DLC1: variants seen among roughly 807,000 people sequenced by gnomAD.
DLC1 encodes DLC1 Rho GTPase activating protein.
In DLC1, 54 loss-of-function variants were observed where a neutral mutation model predicts 140.3. That is an observed-to-expected ratio of 0.38 (90% confidence interval 0.31 to 0.48). The LOEUF is 0.48. Among genes scored for constraint, DLC1 ranks in the 20% least tolerant of loss-of-function variants. The pLI is 0.96. For synonymous variants in DLC1, 986 were observed against 728.1 expected, an observed-to-expected ratio of 1.35 and a Z score of -5.70; for missense variants, 2,536 against 1,907.0, an observed-to-expected ratio of 1.33 and a Z score of -6.14.
chr8:13,164,898 G>C (rs1173881940), intron 5 of DLC1, among the ~76,000 whole-genome samples: 1 of 152,186 alleles, frequency 6.6e-6, no homozygotes, highest in Non-Finnish European at 1.5e-5. Context: ...AATTAGCAGA[G>C]ATTGTGAATC....
chr8:13,352,018 G>C (rs1834696067), intron 4 of DLC1, among the ~76,000 whole-genome samples: 1 of 152,190 alleles, frequency 6.6e-6, no homozygotes, highest in Admixed American at 6.5e-5. Flanking sequence ...ACAGGCATGA[G>C]CCACGGTGCC....
At chr8:13,533,245 GTT>G (rs5889449) in intron 1 of DLC1, among the ~76,000 whole-genome samples, 7 of 151,512 alleles carry the variant, frequency 4.6e-5, no homozygotes, top group South Asian at 2.1e-4. Context: ...AATAATCGTT[GTT>G]TTTTTTTGTG....
chr8:13,158,315 AC>A (rs904189686), intron 5 of DLC1, among the ~76,000 whole-genome samples: 1 of 152,238 alleles, frequency 6.6e-6, no homozygotes, highest in Non-Finnish European at 1.5e-5. Context: ...AACAAAAGAA[AC>A]AGTATTTTAC....
In DLC1 at chr8:13,319,492, T is replaced by G. The variant is rs567534341; in HGVS notation, c.1315-14190A>C. Among the ~76,000 whole-genome samples the G allele has an allele frequency of 2.0e-3, 99 of 50,354 alleles. 2 individuals carry two copies. The highest frequency in any genetic ancestry group is 5.5e-3 in the African/African-American group (96 of 17,338). 33.0% of individuals were successfully genotyped at this position (50,354 alleles called of 152,430 possible). Reference sequence around the variant, plus strand: ...GGCGGGGCGGGGGGGGGGGGTGGATTTCCCCCTTGCTGTTCTCCTGATAGT... The same window carrying G: ...GGCGGGGCGGGGGGGGGGGGTGGATGTCCCCCTTGCTGTTCTCCTGATAGT... On this transcript the variant is annotated intron_variant, in intron 4 of 17. Coordinates refer to ENST00000276297, the MANE Select transcript of DLC1 (RefSeq NM_182643.3).
chr8:13,106,571 A>C (rs557694387), intron 7 of DLC1, among the ~76,000 whole-genome samples: 1 of 151,910 alleles, frequency 6.6e-6, no homozygotes, highest in Non-Finnish European at 1.5e-5. Context: ...ATGGTCTCCA[A>C]CTCCTGGAGG....
chr8:13,121,961 G>T (rs1821115544), intron 5 of DLC1, among the ~76,000 whole-genome samples: 1 of 152,086 alleles, frequency 6.6e-6, no homozygotes, highest in Non-Finnish European at 1.5e-5. Flanking sequence ...CAGTTTAAAG[G>T]CAGCCAGGAT....
chr8:13,570,743 T>C (rs1804623894), intron 1 of DLC1, among the ~76,000 whole-genome samples: 1 of 152,156 alleles, frequency 6.6e-6, no homozygotes, highest in South Asian at 2.1e-4. Flanking sequence ...TCACCTGGCA[T>C]ACTCTCCCGC....
intron 5 of DLC1, among the ~76,000 whole-genome samples, chr8:13,299,623 T>A (rs955901390): frequency 6.6e-6 from 1 of 151,856 alleles, no homozygotes; most frequent in Non-Finnish European, 1.5e-5. Context: ...GTAGTTAAAG[T>A]TTGAGCAACC....
intron 7 of DLC1, among the ~76,000 whole-genome samples, chr8:13,106,682 T>G (rs2044121): frequency 1.3e-5 from 2 of 152,072 alleles, no homozygotes; most frequent in Admixed American, 6.5e-5. Context: ...AAAGTTAAAA[T>G]CTGCTCTAAG....
At chr8:13,472,658 G>A (rs1375876557) in intron 2 of DLC1, among the ~76,000 whole-genome samples, 1 of 152,136 alleles carries the variant, frequency 6.6e-6, no homozygotes, top group African/African-American at 2.4e-5. Flanking sequence ...GGGAATGCTA[G>A]TGTCTTAAAC....
intron 1 of DLC1, among the ~76,000 whole-genome samples, chr8:13,532,159 C>A (rs1001841994): frequency 6.6e-6 from 1 of 152,136 alleles, no homozygotes; most frequent in African/African-American, 2.4e-5. Flanking sequence ...AATTCCAAGA[C>A]TTTGGGAGCC....
At chr8:13,458,605 C>G (rs1257220403) in intron 2 of DLC1, among the ~76,000 whole-genome samples, 1 of 152,174 alleles carries the variant, frequency 6.6e-6, no homozygotes, top group Non-Finnish European at 1.5e-5. Context: ...AAACAGTCAT[C>G]TGATAGTAAG....
intron 4 of DLC1, among the ~76,000 whole-genome samples, chr8:13,326,036 TAA>T (rs5889432): frequency 1.3e-5 from 2 of 151,840 alleles, no homozygotes; most frequent in Non-Finnish European, 2.9e-5. Context: ...GTTTTTCTTA[TAA>T]AAAAAATAAA....
intron 4 of DLC1, among the ~76,000 whole-genome samples, chr8:13,384,305 C>T (rs1212511772): frequency 6.8e-6 from 1 of 146,412 alleles, no homozygotes; most frequent in East Asian, 2.0e-4. Flanking sequence ...CAGAACACTC[C>T]CACCCCACAA....
At chr8:13,285,584 G>C (rs763759017) in intron 5 of DLC1, among the ~76,000 whole-genome samples, 1 of 152,104 alleles carries the variant, frequency 6.6e-6, no homozygotes. Flanking sequence ...TAAGTCATTA[G>C]GGAAATGCAA....
At chr8:13,405,392 T>G (rs750853294) in intron 2 of DLC1, among the ~76,000 whole-genome samples, 1 of 152,220 alleles carries the variant, frequency 6.6e-6, no homozygotes, top group African/African-American at 2.4e-5. Context: ...ACATTTATAC[T>G]TAAGTCAAAA....
intron 1 of DLC1, among the ~76,000 whole-genome samples, chr8:13,513,397 C>T (rs1018605494): frequency 2.0e-5 from 3 of 152,004 alleles, no homozygotes; most frequent in Non-Finnish European, 4.4e-5. Flanking sequence ...TAAAATTTAT[C>T]AATATAAGTT....
At chr8:13,121,187 CAA>C (rs1364876695) in intron 5 of DLC1, among the ~76,000 whole-genome samples, 1 of 152,100 alleles carries the variant, frequency 6.6e-6, no homozygotes. Context: ...GACATATGGG[CAA>C]AGATTCATGG....
rs759142143 is a variant in DLC1, at chr8:13,500,803, G to A, written c.-125-607C>T. ...ATATTAACACAGAATGCATGGATTA[G>A]AAAGCATAACACATACCATTTACAA... On this transcript the variant is annotated intron_variant, in intron 1 of 17. Coordinates refer to ENST00000276297, the MANE Select transcript of DLC1 (RefSeq NM_182643.3). Among the ~76,000 whole-genome samples, 38 of 132,296 alleles carry A rather than the reference G, an allele frequency of 2.9e-4. 1 individual carries two copies. Among genetic ancestry groups the A allele is most frequent in the Non-Finnish European group, 5.3e-4 (33 of 62,624 alleles). 86.8% of individuals were successfully genotyped at this position (132,296 alleles called of 152,430 possible).
Sources: allele counts gnomAD v4.1 joint callset (sites outside exome capture counted in the v4.1 genomes callset), GRCh38; gene constraint gnomAD v4.1.1; transcripts MANE v1.5; gene names NCBI Gene and HGNC (gene_info 2026-07-23, HGNC 2026-07-21).